The following TLN2 variants were observed in gnomAD, a reference collection of about 807,000 sequenced individuals.
TLN2 encodes the protein talin 2, also known as talin-2.
TLN2 carries 118 observed loss-of-function variants against 294.7 expected under a neutral mutation model. The observed-to-expected ratio is 0.40, with a 90% CI of 0.34 to 0.47. The LOEUF is 0.47. TLN2 is among the 20% of genes least tolerant of loss of function. The probability of loss-of-function intolerance (pLI) is 0.84; values close to 1 mark genes in which losing one functional copy is unlikely to be tolerated. For missense variants in TLN2, 3,083 were observed against 3,282.2 expected (o/e 0.94, Z 1.48); for synonymous variants, 1,431 against 1,304.5 (o/e 1.10, Z -2.09).
intron 50 of TLN2, 32 bp from the exon 51 acceptor site, chr15:62,805,568 A>G: frequency 6.5e-7 from 1 of 1,546,566 alleles, no homozygotes; most frequent in Non-Finnish European, 8.8e-7. Flanking sequence ...TTCCTTTTTG[A>G]TTTTTTTAAC....
rs2070727786 is a variant in TLN2, at chr15:62,841,752, CT to C, written c.*1146del. ...ATATTTTTCCCCTCTTTTCTTTCCCCTTTTCAGAGCCCTCCCATAGGAAGGG... is the reference window on the plus strand; with the variant it reads ...ATATTTTTCCCCTCTTTTCTTTCCCCTTTCAGAGCCCTCCCATAGGAAGGG... On this transcript the variant is annotated 3_prime_UTR_variant, in exon 59 of 59. Coordinates refer to ENST00000636159, the MANE Select transcript of TLN2 (RefSeq NM_015059.3). The C allele has an allele frequency of 6.6e-6, 1 of 152,164 alleles. No individual in the cohort carries two copies. The highest frequency in any genetic ancestry group is 1.5e-5 in the Non-Finnish European group (1 of 68,038). 9.4% of individuals were successfully genotyped at this position (152,164 alleles called of 1,614,324 possible). A position where few individuals can be genotyped will look rare whatever the true frequency, so the allele number is the denominator to read the frequency against.
chr15:62,646,228 T>A (rs953544793), intron 3 of TLN2, among the ~76,000 whole-genome samples: 1 of 151,926 alleles, frequency 6.6e-6, no homozygotes, highest in African/African-American at 2.4e-5. Context: ...AGTGGCATGA[T>A]CTCAGCTCAC....
At chr15:62,541,493 T>C (rs1000569674) in intron 1 of TLN2, among the ~76,000 whole-genome samples, 1 of 152,152 alleles carries the variant, frequency 6.6e-6, no homozygotes, top group Non-Finnish European at 1.5e-5. Context: ...TGCCTGTGTA[T>C]CTTCTCTGGT....
At chr15:62,391,157 G>A (rs1489023328) in intron 1 of TLN2, among the ~76,000 whole-genome samples, 2 of 152,364 alleles carry the variant, frequency 1.3e-5, no homozygotes, top group South Asian at 2.1e-4. Context: ...CTTCATTCCA[G>A]CACTGGCCGC....
intron 26 of TLN2, among the ~76,000 whole-genome samples, chr15:62,723,339 T>A (rs1477053194): frequency 6.6e-6 from 1 of 152,186 alleles, no homozygotes; most frequent in African/African-American, 2.4e-5. Flanking sequence ...CTTATTAGAA[T>A]GCACATCCCT....
chr15:62,496,369 C>CACAG, intron 1 of TLN2, among the ~76,000 whole-genome samples: 1 of 151,952 alleles, frequency 6.6e-6, no homozygotes, highest in Non-Finnish European at 1.5e-5. Flanking sequence ...AGAAATTACA[C>CACAG]GGAACCACAT....
chr15:62,836,228 A>C lies in TLN2; in HGVS notation c.7374+155A>C, dbSNP rs1243163358. 6.9e-6 allele frequency: 7 copies of C among 1,017,602 alleles called. No homozygotes were observed. The East Asian group carries it at 1.6e-4, about 23-fold the overall frequency. 63.0% of individuals were successfully genotyped at this position (1,017,602 alleles called of 1,614,324 possible). A position where few individuals can be genotyped will look rare whatever the true frequency, so the allele number is the denominator to read the frequency against. On this transcript the variant is annotated intron_variant, in intron 57 of 58. Transcript: ENST00000636159. Reference sequence around the variant, plus strand: ...CCTCATCTACTGCGTGCGTCCATGCATCCTCCACTGCTGCCCCACCACGCT... The same window carrying C: ...CCTCATCTACTGCGTGCGTCCATGCCTCCTCCACTGCTGCCCCACCACGCT...
rs751647232 is a variant in TLN2, at chr15:62,835,996, G to A, written c.7297G>A (p.Ala2433Thr). The change falls in exon 57 of 59, where the codon GCC becomes ACC. Residue 2433 changes from alanine (A) to threonine (T), a missense_variant. Coordinates refer to ENST00000636159, the MANE Select transcript of TLN2 (RefSeq NM_015059.3). ...GCTCATCTCATCTGCCAAGCAGGTC[G>A]CCGCTTCCACGGCTCAGCTGCTGGT... ...EKLISSAKQV[A>T]ASTAQLLVAC... 1.5e-5 allele frequency: 25 copies of A among 1,613,590 alleles called. No individual in the cohort carries two copies. The highest frequency in any genetic ancestry group is 2.0e-5 in the Non-Finnish European group (24 of 1,179,842).
intron 9 of TLN2, among the ~76,000 whole-genome samples, chr15:62,667,180 A>G (rs1455828626): frequency 3.9e-5 from 6 of 151,974 alleles, no homozygotes; most frequent in Admixed American, 6.5e-5. Context: ...GTTAGCCAGG[A>G]TGGTCTCGAT....
At chr15:62,428,822 C>T (rs947873003) in intron 1 of TLN2, among the ~76,000 whole-genome samples, 3 of 152,156 alleles carry the variant, frequency 2.0e-5, no homozygotes, top group African/African-American at 7.2e-5. Flanking sequence ...CTGTAGTTTC[C>T]AGTAGGTAAT....
rs180719084 is a variant in TLN2, at chr15:62,522,414, T to G, written c.-237-67273T>G. Among the ~76,000 whole-genome samples, 308 of 152,308 alleles carry G rather than the reference T, an allele frequency of 2.0e-3. 2 individuals are homozygous for G. The highest frequency in any genetic ancestry group is 2.7e-3 in the Non-Finnish European group (183 of 68,028). ...TTTCTGAATAAAGTTTTGGCTGTGG[T>G]GGTCCATTCTCGTGGATGAAATACG... On this transcript the variant is annotated intron_variant, in intron 1 of 58. Coordinates refer to ENST00000636159, the MANE Select transcript of TLN2 (RefSeq NM_015059.3).
chr15:62,671,841 A>G (rs1451191807), intron 9 of TLN2, among the ~76,000 whole-genome samples: 5 of 152,180 alleles, frequency 3.3e-5, no homozygotes, highest in Non-Finnish European at 7.4e-5. Context: ...GTATCATTGA[A>G]CATGCTCCCC....
chr15:62,532,217 G>T (rs990778028), intron 1 of TLN2, among the ~76,000 whole-genome samples: 1 of 151,810 alleles, frequency 6.6e-6, no homozygotes, highest in African/African-American at 2.4e-5. Flanking sequence ...GCCTAATGTC[G>T]TGGGTTGTTT....
intron 1 of TLN2, among the ~76,000 whole-genome samples, chr15:62,508,256 A>G (rs812957): frequency 0.38 from 57,800 of 151,948 alleles, 12,361 homozygotes; most frequent in African/African-American, 0.58. Context: ...CTCTCTTGTC[A>G]CCCAGGCTGG....
rs967271399 is a variant in TLN2, at chr15:62,841,727, A to G, written c.*1117A>G. The G allele has an allele frequency of 6.6e-6, 1 of 152,158 alleles. No individual in the cohort carries two copies. The highest frequency in any genetic ancestry group is 2.4e-5 in the African/African-American group (1 of 41,430). The allele number at this position is 152,158 out of a possible 1,614,324, so 9.4% of individuals were successfully genotyped here. A position where few individuals can be genotyped will look rare whatever the true frequency, so the allele number is the denominator to read the frequency against. Reference sequence around the variant, plus strand: ...CTGGATGTCACACTTCCAGAATTTCATATTTTTCCCCTCTTTTCTTTCCCC... The same window carrying G: ...CTGGATGTCACACTTCCAGAATTTCGTATTTTTCCCCTCTTTTCTTTCCCC... On this transcript the variant is annotated 3_prime_UTR_variant, in exon 59 of 59. Coordinates refer to ENST00000636159, the MANE Select transcript of TLN2 (RefSeq NM_015059.3).
chr15:62,731,307 T>C (rs1286452494), intron 28 of TLN2, among the ~76,000 whole-genome samples: 1 of 152,054 alleles, frequency 6.6e-6, no homozygotes, highest in East Asian at 1.9e-4. Context: ...CACCTCTTGG[T>C]TTTTCAGCCA....
At chr15:62,674,081 C>A (rs2055832441) in intron 10 of TLN2, among the ~76,000 whole-genome samples, 191 bp downstream of exon 10, 1 of 152,202 alleles carries the variant, frequency 6.6e-6, no homozygotes, top group Non-Finnish European at 1.5e-5. Flanking sequence ...TCCATATTTT[C>A]TTGCTAAAGG....
chr15:62,608,047 A>T (rs1323142334), intron 2 of TLN2, among the ~76,000 whole-genome samples: 1 of 152,216 alleles, frequency 6.6e-6, no homozygotes, highest in Non-Finnish European at 1.5e-5. Context: ...ACTTTGGCGT[A>T]TCTGAAGATT....
intron 1 of TLN2, among the ~76,000 whole-genome samples, chr15:62,464,838 A>G (rs910882745): frequency 6.6e-6 from 1 of 152,098 alleles, no homozygotes; most frequent in African/African-American, 2.4e-5. Context: ...CTCACTCTGC[A>G]TTTTTGCCAT....
Sources: gnomAD v4.1 joint callset for allele counts (sites outside exome capture counted in the v4.1 genomes callset) on GRCh38, gnomAD v4.1.1 for gene constraint, MANE v1.5 for transcripts, NCBI Gene and HGNC (gene_info 2026-07-23, HGNC 2026-07-21) for gene names.